CHI3L1: variants seen among roughly 807,000 people sequenced by gnomAD.
The protein encoded by CHI3L1 is chitinase-3-like protein 1.
Under a neutral mutation model 40.7 loss-of-function variants are expected in CHI3L1, and 30 were observed. That is an observed-to-expected ratio of 0.74 (90% CI 0.55 to 1.00). The LOEUF (loss-of-function observed/expected upper bound fraction) is 1.00. Ranked by LOEUF, CHI3L1 falls within the 50% of genes least tolerant of loss-of-function variation. The pLI, the probability that CHI3L1 is intolerant of heterozygous loss-of-function variation, is 0.00. For synonymous variants in CHI3L1, 210 were observed against 192.1 expected, an observed-to-expected ratio of 1.09 and a Z score of -0.77; for missense variants, 493 against 492.2, an observed-to-expected ratio of 1.00 and a Z score of -0.01.
intron 3 of CHI3L1, 67 bp downstream of exon 3, chr1:203,185,117 G>A: frequency 7.2e-7 from 1 of 1,379,906 alleles, no homozygotes; most frequent in Non-Finnish European, 1.0e-6. Context: ...CTTCCTCCTG[G>A]GTGGGGTTGC....
chr1:203,186,662 C>T lies in CHI3L1; in HGVS notation c.-39G>A. ...GAGCAGGGCAGGGTGTGGCCTCTTC[C>T]CTTGCCCACGGCTCCTGGTGCCAGC... On this transcript the variant is annotated 5_prime_UTR_variant, in exon 1 of 10. Transcript: ENST00000255409. 6.2e-7 allele frequency: 1 copy of T among 1,613,842 alleles called. No homozygotes were observed. The highest frequency in any genetic ancestry group is 1.1e-5 in the South Asian group (1 of 91,064).
At position 203,186,338 on chromosome 1, in the gene CHI3L1, C is replaced by T. The variant is rs1270983923; in HGVS notation, c.33G>A (p.Val11=). The part of the protein sequence containing the change: MGVKASQTGF[V]VLVLLQCCSA... ...CACAGCACTGGAGCAGCACCAGGAC[C>T]ACAAAGCCTGAAGAGAAATCCAGGA... Residue 11 remains valine (V), a synonymous_variant, in exon 2 of 10, where the codon GTG becomes GTA. Coordinates refer to ENST00000255409, the MANE Select transcript of CHI3L1 (RefSeq NM_001276.4). 1.1e-5 allele frequency: 17 copies of T among 1,592,478 alleles called. 1 individual carries two copies. The highest frequency in any genetic ancestry group is 9.1e-5 in the South Asian group (8 of 87,616).
At chr1:203,186,045 C>T (rs555859028) in intron 2 of CHI3L1, among the ~76,000 whole-genome samples, 3 of 152,294 alleles carry the variant, frequency 2.0e-5, no homozygotes, top group South Asian at 4.1e-4. Flanking sequence ...ACTGTACTAG[C>T]GGCTCCCAGG....
In CHI3L1 at chr1:203,183,004, TC is replaced by T. The variant is rs2102206095; in HGVS notation, c.466-153del. On this transcript the variant is annotated intron_variant, in intron 5 of 9. Transcript: ENST00000255409. ...AAGTGATAAAGTGGCTCATCAGTGG[TC>T]CCATCCTCAAGTCACCCATCCTTTT... 3 of 764,904 alleles carry T rather than the reference TC, an allele frequency of 3.9e-6. No homozygotes were observed. In the South Asian group the frequency reaches 5.4e-5, roughly 14 times the overall value. 47.4% of individuals were successfully genotyped at this position (764,904 alleles called of 1,614,324 possible).
intron 6 of CHI3L1, chr1:203,181,590 G>GT (rs1655939132): frequency 5.1e-6 from 1 of 197,616 alleles, no homozygotes; most frequent in Admixed American, 6.0e-5. Context: ...GGGCAACAGA[G>GT]TGAGATTTTG....
intron 8 of CHI3L1, 89 bp downstream of exon 8, chr1:203,180,381 G>C: frequency 8.0e-7 from 1 of 1,243,618 alleles, no homozygotes; most frequent in Non-Finnish European, 1.1e-6. Flanking sequence ...TATTCCCAAA[G>C]GAGAAAAAGC....
rs1360954387 is a variant in CHI3L1, at chr1:203,185,301, T to G, written c.140A>C (p.Asp47Ala). 1 of 1,614,206 alleles carries G rather than the reference T, an allele frequency of 6.2e-7. No homozygotes were observed. The highest frequency in any genetic ancestry group is 2.2e-5 in the East Asian group (1 of 44,878). Reference sequence around the variant, plus strand: ...GATGATGTGGGTACAGAGGAAGCGGTCAAGGGCATCTGGGAAGCAGCTCCC... The same window carrying G: ...GATGATGTGGGTACAGAGGAAGCGGGCAAGGGCATCTGGGAAGCAGCTCCC... ...GDGSCFPDAL[D>A]RFLCTHIIYS... The change falls in exon 3 of 10, where the codon GAC becomes GCC. Residue 47 changes from aspartate to alanine, a missense_variant. Asp to Ala is a moderately radical substitution (Grantham distance 126). Coordinates refer to ENST00000255409, the MANE Select transcript of CHI3L1 (RefSeq NM_001276.4).
chr1:203,182,634 T>C (rs1655959346), intron 6 of CHI3L1, 97 bp downstream of exon 6: 4 of 1,393,490 alleles, frequency 2.9e-6, no homozygotes, highest in Non-Finnish European at 4.0e-6. Flanking sequence ...GGAAGCCCAG[T>C]GTCCTCAGTC....
At position 203,182,853 on chromosome 1, in the gene CHI3L1, C is replaced by G. The variant is rs779446685; in HGVS notation, c.466-1G>C. 1 of 1,614,032 alleles carries G rather than the reference C, an allele frequency of 6.2e-7. No individual in the cohort carries two copies. Among genetic ancestry groups the G allele is most frequent in the South Asian group, 1.1e-5 (1 of 91,058 alleles). On this transcript the variant is annotated splice_acceptor_variant, in intron 5 of 9. Transcript: ENST00000255409. LOFTEE classifies it high-confidence loss of function. ...CCTTTATAAATTCGGCCTTCATTTC[C>G]TAGATGGGAGACAGGCAGGTGAGAG... is the stretch of plus-strand genomic sequence containing the variant.
At chr1:203,181,018 C>T (rs555876653) in intron 7 of CHI3L1, 144 bp downstream of exon 7, 5 of 1,141,186 alleles carry the variant, frequency 4.4e-6, no homozygotes, top group Non-Finnish European at 4.9e-6. Flanking sequence ...AGACTTTGGG[C>T]CTCAGTTTCC....
At chr1:203,184,247 C>T (rs747621572) in intron 4 of CHI3L1, among the ~76,000 whole-genome samples, 2 of 152,184 alleles carry the variant, frequency 1.3e-5, no homozygotes, top group Non-Finnish European at 2.9e-5. Flanking sequence ...CTCAATGTCC[C>T]CATTGGTTTC....
rs138829597 is a variant in CHI3L1 at position 203,179,815 on chromosome 1, G to A, written c.957C>T (p.Ala319=). 6.2e-7 allele frequency: 1 copy of A among 1,614,086 alleles called. No homozygotes were observed. The highest frequency in any genetic ancestry group is 1.3e-5 in the African/African-American group (1 of 74,932). ...HRILGQQVPY[A]TKGNQWVGYD... Reference sequence around the variant, plus strand: ...ATCCTACCCACTGGTTGCCCTTGGTGGCATAGGGGACCTGCTGGCCGAGGA... The same window carrying A: ...ATCCTACCCACTGGTTGCCCTTGGTAGCATAGGGGACCTGCTGGCCGAGGA... The change falls in exon 9 of 10, where the codon GCC becomes GCT. Residue 319 remains alanine (A), a synonymous_variant. Coordinates refer to ENST00000255409, the MANE Select transcript of CHI3L1 (RefSeq NM_001276.4).
In CHI3L1 at chr1:203,179,761, C is replaced by T; in HGVS notation, c.1011G>A (p.Lys337=). The change falls in exon 9 of 10, where the codon AAG becomes AAA. Residue 337 remains lysine (K), a splice_region_variant and synonymous_variant. Coordinates refer to ENST00000255409, the MANE Select transcript of CHI3L1 (RefSeq NM_001276.4). The stretch of plus-strand genomic sequence containing the variant: ...GAGGTGTGGCCTTGGGGAAACCTAC[C>T]TTGCTTTTGACGCTTTCCTGGTCGT... ...GYDDQESVKS[K]VQYLKDRQLA... The T allele has an allele frequency of 6.2e-7, 1 of 1,614,176 alleles. No individual in the cohort carries two copies. The highest frequency in any genetic ancestry group is 1.6e-4 in the Middle Eastern group (1 of 6,062).
intron 2 of CHI3L1, 67 bp downstream of exon 2, chr1:203,186,249 C>A: frequency 6.5e-7 from 1 of 1,527,330 alleles, no homozygotes; most frequent in Non-Finnish European, 8.9e-7. Context: ...CTAAGACCTC[C>A]TCCACACCTG....
rs12408583 is a variant in CHI3L1 at position 203,179,232 on chromosome 1, G to C, written c.*213C>G. 261 of 449,476 alleles carry C rather than the reference G, an allele frequency of 5.8e-4. No individual in the cohort carries two copies. Among genetic ancestry groups the C allele is most frequent in the Non-Finnish European group, 9.4e-4 (240 of 254,268 alleles). The allele number at this position is 449,476 out of a possible 1,614,324, so 27.8% of individuals were successfully genotyped here. A position where few individuals can be genotyped will look rare whatever the true frequency, so the allele number is the denominator to read the frequency against. On this transcript the variant is annotated 3_prime_UTR_variant, in exon 10 of 10. Coordinates refer to ENST00000255409, the MANE Select transcript of CHI3L1 (RefSeq NM_001276.4). ...GTACTAATCCCGAGTCTTACATTGC[G>C]ATGCCTCACTATCCCCACAGCCCCA... is the stretch of plus-strand genomic sequence containing the variant.
chr1:203,182,119 C>T (rs556685477), intron 6 of CHI3L1: 6 of 152,910 alleles, frequency 3.9e-5, no homozygotes, highest in African/African-American at 1.2e-4. Flanking sequence ...TGAGTTTACA[C>T]CTCCCTGGGA....
rs908736403 is a variant in CHI3L1 at position 203,181,045 on chromosome 1, C to T, written c.711+117G>A. 32 of 1,333,028 alleles carry T rather than the reference C, an allele frequency of 2.4e-5. No homozygotes were observed. In the East Asian group the frequency reaches 3.6e-4, roughly 15 times the overall value. The allele number at this position is 1,333,028 out of a possible 1,614,324, so 82.6% of individuals were successfully genotyped here. ...TCAGTTTCCTTATCTGTGGAATGGG[C>T]CTCATGACCCCCCTCTTGCAGGACT... On this transcript the variant is annotated intron_variant, in intron 7 of 9. Transcript: ENST00000255409.
At position 203,179,393 on chromosome 1, in the gene CHI3L1, C is replaced by T. The variant is rs1003019596; in HGVS notation, c.*52G>A. 2.7e-6 allele frequency: 4 copies of T among 1,483,854 alleles called. No individual in the cohort carries two copies. Among genetic ancestry groups the T allele is most frequent in the Non-Finnish European group, 3.6e-6 (4 of 1,105,766 alleles). The allele number at this position is 1,483,854 out of a possible 1,614,324, so 91.9% of individuals were successfully genotyped here. On this transcript the variant is annotated 3_prime_UTR_variant, in exon 10 of 10. Coordinates refer to ENST00000255409, the MANE Select transcript of CHI3L1 (RefSeq NM_001276.4). Reference sequence around the variant, plus strand: ...TGATCAGGCTCCCGGCCAGCTGGAGCCAGAGGGGGACGGGGCATCCTTGGC... The same window carrying T: ...TGATCAGGCTCCCGGCCAGCTGGAGTCAGAGGGGGACGGGGCATCCTTGGC...
At chr1:203,185,492 G>T in intron 2 of CHI3L1, 107 bp from the exon 3 acceptor site, 4 of 907,632 alleles carry the variant, frequency 4.4e-6, no homozygotes, top group South Asian at 4.3e-5. Context: ...AGGGAGGAGT[G>T]GGGTGCAGAT....
Sources: gnomAD v4.1 joint callset for allele counts (sites outside exome capture counted in the v4.1 genomes callset) on GRCh38, gnomAD v4.1.1 for gene constraint, MANE v1.5 for transcripts, NCBI Gene and HGNC (gene_info 2026-07-23, HGNC 2026-07-21) for gene names.